The following F7 variants were observed in gnomAD, a reference collection of about 807,000 sequenced individuals.
F7 encodes the protein FVII coagulation protein.
In F7, 38 loss-of-function variants were observed where a neutral mutation model predicts 47.5. That is an observed-to-expected ratio of 0.80 (90% confidence interval 0.62 to 1.05). The LOEUF (loss-of-function observed/expected upper bound fraction) is 1.05, where lower values mean the gene tolerates loss of function less well. F7 is among the 50% of genes least tolerant of loss of function. The pLI, the probability that F7 is intolerant of heterozygous loss-of-function variation, is 0.00. For synonymous variants in F7, 244 were observed against 258.5 expected (o/e 0.94, Z 0.54); for missense variants, 575 against 605.4 (o/e 0.95, Z 0.53).
chr13:113,119,217 G>C lies in F7; in HGVS notation c.*209G>C, dbSNP rs374974621. ...CTGAGGACATGGAGAGAGACTCAAA[G>C]AGACTCCAAGATTCAAAGAGACTAA... On this transcript the variant is annotated 3_prime_UTR_variant, in exon 8 of 8. Coordinates refer to ENST00000346342, the MANE Select transcript of F7 (RefSeq NM_019616.4). 2 of 599,180 alleles carry C rather than the reference G, an allele frequency of 3.3e-6. No homozygotes were observed. The highest frequency in any genetic ancestry group is 5.9e-6 in the Non-Finnish European group (2 of 338,224). 37.1% of individuals were successfully genotyped at this position (599,180 alleles called of 1,614,324 possible).
Position 113,114,448 on chromosome 13 carries a change from A to G in F7, c.364+488A>G, listed in dbSNP as rs1387608317. ...AGAATCCACTGAAGTGGATACACTC[A>G]CAGGTACCGTTTATTACAGCAAAGG... On this transcript the variant is annotated intron_variant, in intron 4 of 7. Coordinates refer to ENST00000346342, the MANE Select transcript of F7 (RefSeq NM_019616.4). 2.3e-5 allele frequency: 5 copies of G among 213,294 alleles called. No homozygotes were observed. The South Asian group carries it at 3.9e-4, about 17-fold the overall frequency. The allele number at this position is 213,294 out of a possible 1,614,324, so 13.2% of individuals were successfully genotyped here.
intron 2 of F7, 101 bp downstream of exon 2, chr13:113,110,951 G>A (rs1298750256): frequency 3.0e-6 from 4 of 1,352,148 alleles, no homozygotes; most frequent in South Asian, 1.5e-5. Flanking sequence ...GGCTGTGGGC[G>A]GCGAACACGC....
At chr13:113,117,133 G>A (rs1178061844) in intron 6 of F7, 12 of 612,678 alleles carry the variant, frequency 2.0e-5, no homozygotes, top group East Asian at 5.6e-5. Context: ...TTGTCACGTC[G>A]TCCTCACGGT....
At chr13:113,110,981 T>C (rs1344954976) in intron 2 of F7, 131 bp downstream of exon 2, 3 of 1,091,618 alleles carry the variant, frequency 2.7e-6, no homozygotes, top group African/African-American at 1.7e-5. Context: ...CGCGCGGCGC[T>C]TTCTGCGGGG....
At chr13:113,109,858 T>C (rs148098922) in intron 1 of F7, among the ~76,000 whole-genome samples, 1 of 152,294 alleles carries the variant, frequency 6.6e-6, no homozygotes, top group Non-Finnish European at 1.5e-5. Context: ...TCCCCTCGGC[T>C]GTAGGGCGTC....
chr13:113,105,996 C>G, intron 1 of F7, 91 bp downstream of exon 1: 1 of 1,142,436 alleles, frequency 8.8e-7, no homozygotes, highest in Non-Finnish European at 1.2e-6. Context: ...CCCGCCCTTG[C>G]TCCGGACACC....
Position 113,111,872 on chromosome 13 carries a change from C to T in F7, c.225+1022C>T, listed in dbSNP as rs866119243. On this transcript the variant is annotated intron_variant, in intron 2 of 7. Transcript: ENST00000346342. ...TCACACAGGGCACACTTCACACTCA[C>T]GGGTCACCTCACACTCACAGGACAC... 6.4e-3 allele frequency among the ~76,000 whole-genome samples: 773 copies of T among 120,342 alleles called. 28 individuals are homozygous for T. The highest frequency in any genetic ancestry group is 0.026 in the African/African-American group (719 of 27,322). 78.9% of individuals were successfully genotyped at this position (120,342 alleles called of 152,430 possible).
intron 1 of F7, 138 bp downstream of exon 1, chr13:113,106,043 C>A: frequency 3.0e-6 from 2 of 675,978 alleles, no homozygotes; most frequent in Non-Finnish European, 4.8e-6. Context: ...GGCTCCTGTT[C>A]AATTTCTTTC....
intron 2 of F7, among the ~76,000 whole-genome samples, chr13:113,112,755 C>A (rs1398879990): frequency 6.7e-6 from 1 of 150,270 alleles, no homozygotes; most frequent in Non-Finnish European, 1.5e-5. Flanking sequence ...CCACAGGACA[C>A]CTCACACTCA....
intron 6 of F7, among the ~76,000 whole-genome samples, chr13:113,117,241 C>T (rs2036209495): frequency 6.6e-6 from 1 of 152,214 alleles, no homozygotes; most frequent in Non-Finnish European, 1.5e-5. Flanking sequence ...TGAAATCTCA[C>T]AGCGACATTT....
At chr13:113,107,339 G>A (rs1453249963) in intron 1 of F7, among the ~76,000 whole-genome samples, 21 of 71,090 alleles carry the variant, frequency 3.0e-4, no homozygotes, top group African/African-American at 8.5e-4. Flanking sequence ...TGGGTGTCCC[G>A]GGGGCGTGGG....
chr13:113,110,761 C>G lies in F7; in HGVS notation c.136C>G (p.Leu46Val). Residue 46 changes from leucine (L) to valine (V), a missense_variant, in exon 2 of 8, where the codon CTG (leucine) becomes GTG (valine). Leu to Val is a conservative substitution (Grantham distance 32, BLOSUM62 1). Transcript: ENST00000346342. ...GCGCGCCAACGCGTTCCTGGAGGAG[C>G]TGCGGCCGGGCTCCCTGGAGAGGGA... ...RRRANAFLEE[L>V]RPGSLERECK... is the part of the protein sequence containing the mutation. 1 of 1,549,610 alleles carries G rather than the reference C, an allele frequency of 6.5e-7. No individual in the cohort carries two copies. Among genetic ancestry groups the G allele is most frequent in the South Asian group, 1.2e-5 (1 of 84,036 alleles).
Position 113,115,844 on chromosome 13 carries a change from G to C in F7, c.505+44G>C, listed in dbSNP as rs752772591. 1.9e-6 allele frequency: 3 copies of C among 1,611,908 alleles called. No individual in the cohort carries two copies. In the East Asian group the frequency reaches 6.7e-5, roughly 36 times the overall value. ...CCAGTCCCAGATGACACCAGTCCCT[G>C]TCCCACTACGGATTATCTTACTGGA... On this transcript the variant is annotated intron_variant, in intron 5 of 7. Transcript: ENST00000346342.
intron 1 of F7, among the ~76,000 whole-genome samples, chr13:113,107,409 G>A (rs34095297): frequency 1.9e-4 from 2 of 10,712 alleles, no homozygotes; most frequent in African/African-American, 4.4e-4. Flanking sequence ...GGTGTCCCGG[G>A]GGAGTGGGTG....
At chr13:113,110,133 C>A (rs2036060848) in intron 1 of F7, among the ~76,000 whole-genome samples, 1 of 152,222 alleles carries the variant, frequency 6.6e-6, no homozygotes, top group East Asian at 1.9e-4. Flanking sequence ...GCGGCAGAAG[C>A]CCAGGACCGC....
At chr13:113,115,422 G>A (rs1437181349) in intron 4 of F7, among the ~76,000 whole-genome samples, 6 of 152,134 alleles carry the variant, frequency 3.9e-5, no homozygotes, top group Non-Finnish European at 5.9e-5. Context: ...AAATGCAACC[G>A]CAGCCAGCAC....
At position 113,105,910 on chromosome 13, in the gene F7, G is replaced by A. The variant is rs769455161; in HGVS notation, c.64+5G>A. 2.2e-5 allele frequency: 35 copies of A among 1,581,512 alleles called. No individual in the cohort carries two copies. The highest frequency in any genetic ancestry group is 1.5e-4 in the African/African-American group (11 of 74,604). On this transcript the variant is annotated splice_donor_5th_base_variant and intron_variant, in intron 1 of 7. Transcript: ENST00000346342. ...TTCAGGGCTGCCTGGCTGCAGGTGC[G>A]TCCGGGGAGGTTTTCTCCATAAACT...
intron 1 of F7, among the ~76,000 whole-genome samples, chr13:113,108,900 GT>G (rs2036030154): frequency 2.9e-5 from 2 of 70,172 alleles, no homozygotes; most frequent in Non-Finnish European, 2.9e-5. Flanking sequence ...GAGTGTGGGT[GT>G]TCCGGAGGCG....
At chr13:113,106,337 A>G (rs1440582166) in intron 1 of F7, among the ~76,000 whole-genome samples, 1 of 12,152 alleles carries the variant, frequency 8.2e-5, no homozygotes, top group Non-Finnish European at 1.3e-4. Context: ...TGTGGGGCGT[A>G]GGGGATGGGG....
Sources: allele counts gnomAD v4.1 joint callset (sites outside exome capture counted in the v4.1 genomes callset), GRCh38; gene constraint gnomAD v4.1.1; transcripts MANE v1.5; gene names NCBI Gene and HGNC (gene_info 2026-07-23, HGNC 2026-07-21).